Variants in B3GALT1 observed in about 807,000 individuals in gnomAD.
B3GALT1 encodes UDP-Gal:betaGlcNAc beta 1,3-galactosyltransferase, polypeptide 1.
A neutral mutation model predicts 23.2 loss-of-function variants in B3GALT1; 10 were observed. The ratio of observed to expected loss-of-function variants is 0.43; its 90% CI spans 0.27 to 0.73. The LOEUF is 0.73. B3GALT1 is among the 30% of genes least tolerant of loss of function. The pLI, the probability that B3GALT1 is intolerant of heterozygous loss-of-function variation, is 0.21. For missense variants in B3GALT1, 299 were observed against 405.4 expected, an observed-to-expected ratio of 0.74 and a Z score of 2.25; for synonymous variants, 156 against 141.5, an observed-to-expected ratio of 1.10 and a Z score of -0.73.
intron 3 of B3GALT1, among the ~76,000 whole-genome samples, chr2:167,672,566 G>A (rs1181295233): frequency 6.6e-6 from 1 of 152,152 alleles, no homozygotes; most frequent in East Asian, 1.9e-4. Context: ...ACTCTGGGGT[G>A]AAGCCAGCTT....
intron 2 of B3GALT1, among the ~76,000 whole-genome samples, chr2:167,626,935 T>C (rs1184361115): frequency 6.6e-6 from 1 of 151,678 alleles, no homozygotes; most frequent in Non-Finnish European, 1.5e-5. Context: ...CTCAGGTAGT[T>C]TTCTTCAAAA....
At chr2:167,717,594 G>A (rs997407012) in intron 3 of B3GALT1, among the ~76,000 whole-genome samples, 3 of 151,634 alleles carry the variant, frequency 2.0e-5, no homozygotes, top group Non-Finnish European at 4.4e-5. Context: ...TCTACTTAAC[G>A]TAATTTAATT....
chr2:167,643,210 C>T (rs952794445), intron 2 of B3GALT1, among the ~76,000 whole-genome samples: 2 of 152,132 alleles, frequency 1.3e-5, no homozygotes, highest in African/African-American at 2.4e-5. Context: ...TTTGAGTTTA[C>T]CTACATTAAG....
chr2:167,601,801 A>G (rs941017562), intron 2 of B3GALT1, among the ~76,000 whole-genome samples: 2 of 152,222 alleles, frequency 1.3e-5, no homozygotes, highest in Non-Finnish European at 2.9e-5. Flanking sequence ...TTTATCCACA[A>G]CTGTATGTGA....
intron 1 of B3GALT1, among the ~76,000 whole-genome samples, chr2:167,487,800 A>G (rs1699650554): frequency 6.6e-6 from 1 of 152,130 alleles, no homozygotes; most frequent in African/African-American, 2.4e-5. Flanking sequence ...TTGTGGTTAT[A>G]CTTTGTTTGT....
intron 3 of B3GALT1, among the ~76,000 whole-genome samples, chr2:167,777,513 AT>A (rs1284977332): frequency 6.6e-6 from 1 of 151,896 alleles, no homozygotes; most frequent in Admixed American, 6.6e-5. Context: ...CGCCCAGCTA[AT>A]TTTTTGTGTT....
At chr2:167,616,173 A>G (rs1031282958) in intron 2 of B3GALT1, among the ~76,000 whole-genome samples, 1 of 152,104 alleles carries the variant, frequency 6.6e-6, no homozygotes, top group Non-Finnish European at 1.5e-5. Flanking sequence ...AGGAGATTGA[A>G]TATCTAATAT....
chr2:167,398,406 GT>G (rs1698130847), intron 1 of B3GALT1, among the ~76,000 whole-genome samples: 2 of 151,642 alleles, frequency 1.3e-5, no homozygotes, highest in South Asian at 4.2e-4. Flanking sequence ...TATCTCTACC[GT>G]TTTCTTTATT....
At chr2:167,660,570 A>G (rs984879427) in intron 3 of B3GALT1, among the ~76,000 whole-genome samples, 1 of 152,142 alleles carries the variant, frequency 6.6e-6, no homozygotes. Flanking sequence ...AGAATAACTC[A>G]TGAATGGACT....
intron 1 of B3GALT1, among the ~76,000 whole-genome samples, chr2:167,352,126 A>ATT (rs79128775): frequency 1.2e-4 from 17 of 138,256 alleles, no homozygotes; most frequent in African/African-American, 3.5e-4. Context: ...TACCCGGCTA[A>ATT]TTTTTTTTTT....
intron 2 of B3GALT1, among the ~76,000 whole-genome samples, chr2:167,552,112 C>T (rs1051496551): frequency 6.6e-6 from 1 of 152,108 alleles, no homozygotes; most frequent in Non-Finnish European, 1.5e-5. Flanking sequence ...ATGGAAAATT[C>T]TCAGTATTGG....
chr2:167,701,722 G>A (rs1331538700), intron 3 of B3GALT1, among the ~76,000 whole-genome samples: 4 of 152,122 alleles, frequency 2.6e-5, no homozygotes, highest in Non-Finnish European at 2.9e-5. Flanking sequence ...CAAATAAAAT[G>A]CAGTATGGAA....
chr2:167,389,937 AG>A (rs1697993360), intron 1 of B3GALT1, among the ~76,000 whole-genome samples: 1 of 144,594 alleles, frequency 6.9e-6, no homozygotes, highest in African/African-American at 2.8e-5. Flanking sequence ...AAAAAAAAAA[AG>A]AAAGAAAAGA....
At chr2:167,851,029 A>G (rs999477319) in intron 4 of B3GALT1, among the ~76,000 whole-genome samples, 3 of 152,204 alleles carry the variant, frequency 2.0e-5, no homozygotes, top group Non-Finnish European at 4.4e-5. Flanking sequence ...CAAATTATCT[A>G]CATCTACTTG....
chr2:167,500,396 T>C (rs1394588172), intron 2 of B3GALT1, among the ~76,000 whole-genome samples: 3 of 152,194 alleles, frequency 2.0e-5, no homozygotes, highest in African/African-American at 7.2e-5. Flanking sequence ...ACCAGTTTTA[T>C]ATCACCACTT....
intron 1 of B3GALT1, among the ~76,000 whole-genome samples, chr2:167,424,792 A>G (rs1028500793): frequency 6.6e-6 from 1 of 152,224 alleles, no homozygotes; most frequent in African/African-American, 2.4e-5. Context: ...AATTATAACA[A>G]TCATAGAAGA....
At chr2:167,736,346 A>T (rs928830920) in intron 3 of B3GALT1, among the ~76,000 whole-genome samples, 1 of 152,190 alleles carries the variant, frequency 6.6e-6, no homozygotes, top group African/African-American at 2.4e-5. Flanking sequence ...GCTATGTCAA[A>T]AGATAATTCA....
intron 2 of B3GALT1, among the ~76,000 whole-genome samples, chr2:167,531,183 A>G (rs1683319841): frequency 6.6e-6 from 1 of 152,190 alleles, no homozygotes; most frequent in Non-Finnish European, 1.5e-5. Flanking sequence ...TCAAAGTAAT[A>G]ATTACTTCAT....
intron 2 of B3GALT1, among the ~76,000 whole-genome samples, chr2:167,545,455 T>A (rs1558899733): frequency 6.6e-6 from 1 of 152,176 alleles, no homozygotes; most frequent in Non-Finnish European, 1.5e-5. Context: ...GTTAAAAACA[T>A]CAGGCTGCAG....
Sources: allele counts gnomAD v4.1 joint callset (sites outside exome capture counted in the v4.1 genomes callset), GRCh38; gene constraint gnomAD v4.1.1; transcripts MANE v1.5; gene names NCBI Gene and HGNC (gene_info 2026-07-23, HGNC 2026-07-21).